PCDH11X: variants seen among roughly 807,000 people sequenced by gnomAD.
PCDH11X encodes protocadherin-11 X-linked.
Under a neutral mutation model 53.3 loss-of-function variants are expected in PCDH11X, and 18 were observed. The ratio of observed to expected loss-of-function variants is 0.34; its 90% CI spans 0.23 to 0.50. The LOEUF (loss-of-function observed/expected upper bound fraction) is 0.50, where lower values mean the gene tolerates loss of function less well. Among genes scored for constraint, PCDH11X ranks in the 20% least tolerant of loss-of-function variants. The pLI is 0.98. For synonymous variants in PCDH11X, 279 were observed against 393.3 expected (o/e 0.71, Z 3.44); for missense variants, 570 against 1,032.4 (o/e 0.55, Z 6.14).
At chrX:91,897,841 A>G (rs1324779850) in intron 6 of PCDH11X, among the ~76,000 whole-genome samples, 1 of 112,037 alleles carries the variant, frequency 8.9e-6, no homozygotes, top group East Asian at 2.8e-4. Context: ...TCTAGAAATT[A>G]GAATTTATAA....
chrX:91,977,584 A>G (rs1014809337), intron 6 of PCDH11X, among the ~76,000 whole-genome samples: 15 of 110,701 alleles, frequency 1.4e-4, no homozygotes, highest in Admixed American at 1.1e-3. Context: ...GAATATCCTG[A>G]TTTCCTAGTG....
intron 6 of PCDH11X, among the ~76,000 whole-genome samples, chrX:92,083,915 C>T (rs2063903785): frequency 1.8e-5 from 2 of 110,178 alleles, no homozygotes; most frequent in Admixed American, 2.0e-4. Context: ...GTGGTAAAAT[C>T]CGTCTCTACT....
intron 1 of PCDH11X, among the ~76,000 whole-genome samples, chrX:91,794,686 T>C (rs1935672568): frequency 9.2e-6 from 1 of 108,642 alleles, no homozygotes; most frequent in Non-Finnish European, 1.9e-5. Context: ...GGAATTATTG[T>C]AGTGAAATGC....
At chrX:92,032,005 A>C (rs112418150) in intron 6 of PCDH11X, among the ~76,000 whole-genome samples, 1 of 111,797 alleles carries the variant, frequency 8.9e-6, no homozygotes, top group African/African-American at 3.3e-5. Context: ...GATTTTTAAA[A>C]ATTATTTCTG....
intron 8 of PCDH11X, among the ~76,000 whole-genome samples, chrX:92,358,664 C>T (rs2070273433): frequency 1.9e-5 from 2 of 103,089 alleles, no homozygotes; most frequent in Non-Finnish European, 3.9e-5. Context: ...AATGACACAA[C>T]CTGGGTAGTC....
At chrX:92,154,768 G>T (rs2065499504) in intron 6 of PCDH11X, among the ~76,000 whole-genome samples, 1 of 104,714 alleles carries the variant, frequency 9.5e-6, no homozygotes, top group Non-Finnish European at 2.0e-5. Context: ...TCGGAGAAAA[G>T]TCCGGTCACC....
intron 1 of PCDH11X, among the ~76,000 whole-genome samples, chrX:91,793,990 G>A (rs1417144513): frequency 1.8e-5 from 2 of 111,159 alleles, no homozygotes; most frequent in African/African-American, 6.7e-5. Context: ...TGCTGTTAGA[G>A]AAGCAAACCC....
chrX:92,022,104 C>T (rs2525409), intron 6 of PCDH11X, among the ~76,000 whole-genome samples: 1,120 of 99,933 alleles, frequency 0.011, 6 homozygotes, highest in East Asian at 0.041. Flanking sequence ...ATGAAGAAAC[C>T]GCATCAATTA....
intron 10 of PCDH11X, among the ~76,000 whole-genome samples, chrX:92,584,935 A>G (rs1924202362): frequency 9.2e-6 from 1 of 108,481 alleles, no homozygotes; most frequent in Non-Finnish European, 1.9e-5. Context: ...CTGGGATTAC[A>G]GGCGTGTGCC....
intron 6 of PCDH11X, among the ~76,000 whole-genome samples, chrX:92,143,514 A>T (rs1281893872): frequency 8.9e-6 from 1 of 112,754 alleles, no homozygotes; most frequent in African/African-American, 3.2e-5. Context: ...AGAGGGCGGA[A>T]GCCCCAAGCC....
chrX:92,101,650 G>A (rs1461491446), intron 6 of PCDH11X, among the ~76,000 whole-genome samples: 1 of 110,392 alleles, frequency 9.1e-6, no homozygotes, highest in East Asian at 2.9e-4. Flanking sequence ...GACTGCGGAG[G>A]CCTTCTCAGA....
At chrX:92,582,446 G>A (rs1368166217) in intron 10 of PCDH11X, among the ~76,000 whole-genome samples, 7 of 109,904 alleles carry the variant, frequency 6.4e-5, no homozygotes, top group Non-Finnish European at 1.1e-4. Context: ...CAGCTTCCAC[G>A]TGGTGTTGAG....
intron 6 of PCDH11X, among the ~76,000 whole-genome samples, chrX:92,182,925 A>G (rs979272230): frequency 1.8e-5 from 2 of 111,481 alleles, no homozygotes; most frequent in Non-Finnish European, 3.8e-5. Context: ...AGGTATTTTT[A>G]GTTTAACAAT....
intron 6 of PCDH11X, among the ~76,000 whole-genome samples, chrX:92,189,706 G>C (rs957668579): frequency 1.6e-4 from 18 of 111,736 alleles, no homozygotes; most frequent in Non-Finnish European, 3.0e-4. Flanking sequence ...TCCTTTTTCT[G>C]TGCAACCTCG....
Position 92,525,925 on chromosome X carries a change from C to T in PCDH11X, c.3367+57603C>T, listed in dbSNP as rs2557122. 4.6e-3 allele frequency among the ~76,000 whole-genome samples: 512 copies of T among 110,952 alleles called. 4 individuals carry two copies. The South Asian group carries it at 0.059, about 13-fold the overall frequency. The stretch of plus-strand genomic sequence containing the variant: ...TAGAAGATTAAACACGGAGTGCTAC[C>T]GGGTGACCTAAGAATGAATTGGGAT... On this transcript the variant is annotated intron_variant, in intron 10 of 10. Transcript: ENST00000682573.
At chrX:91,936,610 A>G (rs2061447923) in intron 6 of PCDH11X, among the ~76,000 whole-genome samples, 1 of 105,975 alleles carries the variant, frequency 9.4e-6, no homozygotes, top group Non-Finnish European at 1.9e-5. Flanking sequence ...TGCCTAAAAT[A>G]ATTTTTATCA....
intron 8 of PCDH11X, among the ~76,000 whole-genome samples, chrX:92,270,401 G>A (rs1365379457): frequency 8.9e-6 from 1 of 111,959 alleles, no homozygotes; most frequent in Non-Finnish European, 1.9e-5. Context: ...TGGGATTACA[G>A]GCGTGAGCCA....
In PCDH11X at chrX:92,618,673, T is replaced by C. The variant is rs139827390; in HGVS notation, c.3777T>C (p.Ser1259=). 3.6e-5 allele frequency: 44 copies of C among 1,210,651 alleles called. No individual in the cohort carries two copies. The African/African-American group carries it at 7.1e-4, about 20-fold the overall frequency. Residue 1259 remains serine, a synonymous_variant, in exon 11 of 11, where the codon TCT becomes TCC. Transcript: ENST00000682573. ...AGGCTGCTGCAATCAGCCACAGCTC[T>C]CCTCTGCCACAGGTTATTGCCCTCC... ...LAQAAAISHS[S]PLPQVIALHR...
chrX:92,321,639 A>T (rs1461664076), intron 8 of PCDH11X, among the ~76,000 whole-genome samples: 1 of 111,669 alleles, frequency 9.0e-6, no homozygotes, highest in African/African-American at 3.3e-5. Flanking sequence ...AAGGCCTTAG[A>T]TCCTATGGAT....
Sources: gnomAD v4.1 joint callset for allele counts (sites outside exome capture counted in the v4.1 genomes callset) on GRCh38, gnomAD v4.1.1 for gene constraint, MANE v1.5 for transcripts, NCBI Gene and HGNC (gene_info 2026-07-23, HGNC 2026-07-21) for gene names.